Variants in PDE10A observed in about 807,000 individuals in gnomAD.
PDE10A encodes the protein phosphodiesterase 10A.
Under a neutral mutation model 97.7 loss-of-function variants are expected in PDE10A, and 39 were observed. The observed-to-expected ratio is 0.40, with a 90% CI of 0.31 to 0.52. The LOEUF (loss-of-function observed/expected upper bound fraction) is 0.52, where lower values mean the gene tolerates loss of function less well. PDE10A is among the 20% of genes least tolerant of loss of function. The probability of loss-of-function intolerance (pLI) is 0.56; values close to 1 mark genes in which losing one functional copy is unlikely to be tolerated. For synonymous variants in PDE10A, 371 were observed against 376.8 expected (o/e 0.98, Z 0.18); for missense variants, 731 against 1,047.8 (o/e 0.70, Z 4.17).
chr6:165,702,974 G>A (rs1791618006), intron 1 of PDE10A, among the ~76,000 whole-genome samples: 1 of 152,196 alleles, frequency 6.6e-6, no homozygotes, highest in South Asian at 2.1e-4. Context: ...ACCCAGATGT[G>A]GTTGGAGTCC....
Position 165,430,357 on chromosome 6 carries a change from A to T in PDE10A, c.1543-12T>A. On this transcript the variant is annotated splice_polypyrimidine_tract_variant and intron_variant, in intron 8 of 21. Transcript: ENST00000539869. ...AGGCCTCTGCATACCTACCATATAA[A>T]ATAATAGGTACAATTACAAGAGATT... 1 of 1,521,862 alleles carries T rather than the reference A, an allele frequency of 6.6e-7. No individual in the cohort carries two copies. Among genetic ancestry groups the T allele is most frequent in the Non-Finnish European group, 9.1e-7 (1 of 1,100,642 alleles). The allele number at this position is 1,521,862 out of a possible 1,614,324, so 94.3% of individuals were successfully genotyped here.
chr6:165,961,945 G>A (rs1460339996), intron 1 of PDE10A, among the ~76,000 whole-genome samples: 7 of 152,334 alleles, frequency 4.6e-5, no homozygotes, highest in Non-Finnish European at 1.0e-4. Context: ...TGACTTTTGT[G>A]GAGCATTATT....
At chr6:165,758,179 A>G (rs1419016161) in intron 1 of PDE10A, among the ~76,000 whole-genome samples, 2 of 152,258 alleles carry the variant, frequency 1.3e-5, no homozygotes, top group African/African-American at 4.8e-5. Context: ...CAATTAAAAA[A>G]TACCAGGCTG....
intron 1 of PDE10A, among the ~76,000 whole-genome samples, chr6:165,738,118 C>T (rs1479632305): frequency 1.3e-5 from 2 of 150,716 alleles, no homozygotes; most frequent in Non-Finnish European, 3.0e-5. Flanking sequence ...CCCACTAACT[C>T]GTCATCTAGC....
At chr6:165,810,968 G>A (rs1297484415) in intron 1 of PDE10A, among the ~76,000 whole-genome samples, 2 of 152,174 alleles carry the variant, frequency 1.3e-5, no homozygotes, top group Non-Finnish European at 2.9e-5. Context: ...GCTCACACCT[G>A]TAATCCCAGC....
At chr6:165,357,701 C>T (rs577172837) in intron 18 of PDE10A, among the ~76,000 whole-genome samples, 5 of 152,048 alleles carry the variant, frequency 3.3e-5, no homozygotes, top group Admixed American at 1.3e-4. Flanking sequence ...TAAGTGCTAT[C>T]CCCTCTTTCA....
intron 1 of PDE10A, among the ~76,000 whole-genome samples, chr6:165,728,677 G>T (rs1157682107): frequency 6.6e-6 from 1 of 152,098 alleles, no homozygotes; most frequent in Non-Finnish European, 1.5e-5. Flanking sequence ...TGTAGATAAG[G>T]TACACAAAAG....
At chr6:165,517,162 GCCA>G (rs1455450191) in intron 2 of PDE10A, among the ~76,000 whole-genome samples, 1 of 152,092 alleles carries the variant, frequency 6.6e-6, no homozygotes, top group African/African-American at 2.4e-5. Flanking sequence ...GGCAAGTTAT[GCCA>G]CCAACTGATT....
At chr6:165,944,098 T>G (rs1477047442) in intron 1 of PDE10A, among the ~76,000 whole-genome samples, 2 of 152,224 alleles carry the variant, frequency 1.3e-5, no homozygotes, top group Non-Finnish European at 2.9e-5. Flanking sequence ...CTTCTTCACA[T>G]GGCAGCAGCA....
chr6:165,733,341 G>A (rs1271747234), intron 1 of PDE10A, among the ~76,000 whole-genome samples: 1 of 152,164 alleles, frequency 6.6e-6, no homozygotes, highest in African/African-American at 2.4e-5. Context: ...GGGGCAAGGG[G>A]GAAGCCCCTT....
At chr6:165,860,179 C>T (rs1226583601) in intron 1 of PDE10A, among the ~76,000 whole-genome samples, 2 of 152,142 alleles carry the variant, frequency 1.3e-5, no homozygotes, top group African/African-American at 2.4e-5. Flanking sequence ...CGTGGCCGGG[C>T]GCAGTGGCTC....
At chr6:165,831,976 A>G (rs764940112) in intron 1 of PDE10A, among the ~76,000 whole-genome samples, 73 of 150,900 alleles carry the variant, frequency 4.8e-4, no homozygotes, top group Non-Finnish European at 9.4e-4. Context: ...AAATGCAAAC[A>G]AACAAAAAAA....
chr6:165,498,485 T>G (rs1780682281), intron 2 of PDE10A, among the ~76,000 whole-genome samples: 1 of 128,710 alleles, frequency 7.8e-6, no homozygotes, highest in African/African-American at 2.9e-5. Flanking sequence ...AGAGTAAGAG[T>G]TTAGCATGAA....
At chr6:165,725,962 C>A (rs1792283847) in intron 1 of PDE10A, among the ~76,000 whole-genome samples, 1 of 152,194 alleles carries the variant, frequency 6.6e-6, no homozygotes, top group East Asian at 1.9e-4. Context: ...CAGTGCAGGA[C>A]AGGAACGGAG....
At chr6:165,554,033 C>G (rs184780491) in intron 1 of PDE10A, among the ~76,000 whole-genome samples, 2 of 152,144 alleles carry the variant, frequency 1.3e-5, no homozygotes, top group Non-Finnish European at 2.9e-5. Flanking sequence ...TCTACAGTAA[C>G]TCGGTGGGGG....
intron 1 of PDE10A, among the ~76,000 whole-genome samples, chr6:165,626,390 T>A (rs568940188): frequency 6.6e-6 from 1 of 152,214 alleles, no homozygotes; most frequent in Non-Finnish European, 1.5e-5. Flanking sequence ...ATTATTGATG[T>A]TAACTCTAAA....
chr6:165,648,074 G>A (rs1236395929), intron 1 of PDE10A, among the ~76,000 whole-genome samples: 1 of 152,086 alleles, frequency 6.6e-6, no homozygotes, highest in Non-Finnish European at 1.5e-5. Context: ...AGTGCAGTGT[G>A]CAATCTTGGC....
At chr6:165,575,337 T>C (rs1327602165) in intron 1 of PDE10A, among the ~76,000 whole-genome samples, 1 of 152,178 alleles carries the variant, frequency 6.6e-6, no homozygotes, top group African/African-American at 2.4e-5. Flanking sequence ...ACTGTTCCAT[T>C]ACTACTAAGC....
chr6:165,666,337 C>G (rs1172351593), upstream of PDE10A, among the ~76,000 whole-genome samples: 2 of 152,164 alleles, frequency 1.3e-5, no homozygotes, highest in African/African-American at 2.4e-5. Context: ...AAATGTTAAA[C>G]TCATCTACTT....
Sources: allele counts gnomAD v4.1 joint callset (sites outside exome capture counted in the v4.1 genomes callset), GRCh38; gene constraint gnomAD v4.1.1; transcripts MANE v1.5; gene names NCBI Gene and HGNC (gene_info 2026-07-23, HGNC 2026-07-21).